The following SH3RF2 variants were observed in gnomAD, a reference collection of about 807,000 sequenced individuals.
SH3RF2 encodes E3 ubiquitin-protein ligase SH3RF2.
A neutral mutation model predicts 59.0 loss-of-function variants in SH3RF2; 43 were observed. The observed-to-expected ratio is 0.73, with a 90% CI of 0.57 to 0.94. The LOEUF (loss-of-function observed/expected upper bound fraction) is 0.94. SH3RF2 is among the 40% of genes least tolerant of loss of function. The probability of loss-of-function intolerance (pLI) is 0.00; values close to 1 mark genes in which losing one functional copy is unlikely to be tolerated. For synonymous variants in SH3RF2, 391 were observed against 391.5 expected, an observed-to-expected ratio of 1.00 and a Z score of 0.01; for missense variants, 930 against 940.1, an observed-to-expected ratio of 0.99 and a Z score of 0.14.
intron 8 of SH3RF2, among the ~76,000 whole-genome samples, chr5:146,057,079 C>T (rs986557875): frequency 6.6e-6 from 1 of 152,138 alleles, no homozygotes; most frequent in African/African-American, 2.4e-5. Context: ...ATTCTATGTT[C>T]CCTGAATTAA....
chr5:146,029,814 G>T (rs1427270901), intron 5 of SH3RF2, among the ~76,000 whole-genome samples: 1 of 152,082 alleles, frequency 6.6e-6, no homozygotes, highest in African/African-American at 2.4e-5. Context: ...GAAAGATAAA[G>T]AGAAAACTCC....
At chr5:145,972,451 A>G (rs1454923355) in intron 2 of SH3RF2, among the ~76,000 whole-genome samples, 1 of 152,102 alleles carries the variant, frequency 6.6e-6, no homozygotes, top group East Asian at 1.9e-4. Flanking sequence ...AACTGCTAAC[A>G]CCACCACCAC....
chr5:145,999,921 T>C, intron 2 of SH3RF2, 137 bp from the exon 3 acceptor site: 1 of 991,252 alleles, frequency 1.0e-6, no homozygotes, highest in Non-Finnish European at 1.4e-6. Flanking sequence ...CAGGTTGCCA[T>C]AAACCTTTGA....
chr5:145,939,876 A>G (rs1757749190), intron 2 of SH3RF2, among the ~76,000 whole-genome samples: 1 of 152,190 alleles, frequency 6.6e-6, no homozygotes, highest in Non-Finnish European at 1.5e-5. Flanking sequence ...TCACTTACTC[A>G]GGAAACGGTG....
At position 146,013,961 on chromosome 5, in the gene SH3RF2, T is replaced by A; in HGVS notation, c.959T>A (p.Met320Lys). The change falls in exon 5 of 10, where the codon ATG becomes AAG. Residue 320 changes from methionine to lysine, a missense_variant. Physicochemically the swap from Met to Lys is moderately conservative, Grantham distance 95. Transcript: ENST00000359120. Reference sequence around the variant, plus strand: ...GTCCATTCTCCTTCAGGGCGCCATATGGTAGAGATCAGCACCCCAGTGCTC... The same window carrying A: ...GTCCATTCTCCTTCAGGGCGCCATAAGGTAGAGATCAGCACCCCAGTGCTC... ...RMVHSPSGRH[M>K]VEISTPVLIS... is the part of the protein sequence containing the mutation. The A allele has an allele frequency of 6.2e-7, 1 of 1,614,082 alleles. No homozygotes were observed. The highest frequency in any genetic ancestry group is 8.5e-7 in the Non-Finnish European group (1 of 1,179,994).
intron 2 of SH3RF2, among the ~76,000 whole-genome samples, chr5:145,954,167 C>G (rs549001904): frequency 1.3e-5 from 2 of 152,222 alleles, no homozygotes; most frequent in African/African-American, 2.4e-5. Context: ...CATTTACACT[C>G]CCACCAACAG....
intron 2 of SH3RF2, among the ~76,000 whole-genome samples, chr5:145,996,180 C>T (rs1441787794): frequency 1.3e-5 from 2 of 152,194 alleles, no homozygotes; most frequent in Admixed American, 1.3e-4. Context: ...ATTCTTCTTT[C>T]AAATGATCAT....
chr5:146,070,110 G>C (rs1763201433), intron 9 of SH3RF2, among the ~76,000 whole-genome samples: 1 of 152,044 alleles, frequency 6.6e-6, no homozygotes, highest in Non-Finnish European at 1.5e-5. Context: ...CCAACCCTAT[G>C]ACAGAAGTAC....
At chr5:146,062,394 C>T (rs749835019) in intron 9 of SH3RF2, 32 bp from the exon 10 acceptor site, 2 of 1,606,118 alleles carry the variant, frequency 1.2e-6, no homozygotes, top group South Asian at 2.2e-5. Flanking sequence ...TCCCACCTCA[C>T]CTGTGTCCAT....
intron 2 of SH3RF2, among the ~76,000 whole-genome samples, chr5:145,971,024 C>A (rs1438917184): frequency 6.6e-6 from 1 of 152,180 alleles, no homozygotes. Context: ...CCAAAGCCTT[C>A]CAAATCTAAG....
chr5:145,938,376 G>T, intron 2 of SH3RF2, 70 bp downstream of exon 2: 2 of 1,466,126 alleles, frequency 1.4e-6, no homozygotes, highest in East Asian at 4.6e-5. Flanking sequence ...AGGAGCTAGA[G>T]ATTATCTTCT....
intron 5 of SH3RF2, 134 bp from the exon 6 acceptor site, chr5:146,047,638 G>A (rs1427808126): frequency 1.6e-5 from 12 of 742,530 alleles, no homozygotes; most frequent in East Asian, 1.4e-4. Context: ...CAGAGAGGAC[G>A]CACAATGGGT....
chr5:146,063,750 C>T (rs1455456934), downstream of SH3RF2, among the ~76,000 whole-genome samples: 1 of 152,126 alleles, frequency 6.6e-6, no homozygotes, highest in Admixed American at 6.5e-5. Flanking sequence ...ATCCCAGCTA[C>T]TCTTGAGGCC....
chr5:145,937,846 A>C lies in SH3RF2; in HGVS notation c.-83A>C. ...AGGCAAAAATTCTGACGTTCTCAAG[A>C]GACCAGCTCTGCCCCCGTGGCTCAA... On this transcript the variant is annotated 5_prime_UTR_variant, in exon 2 of 10. Coordinates refer to ENST00000359120, the MANE Select transcript of SH3RF2 (RefSeq NM_152550.4). 1 of 1,497,760 alleles carries C rather than the reference A, an allele frequency of 6.7e-7. No individual in the cohort carries two copies. Among genetic ancestry groups the C allele is most frequent in the Non-Finnish European group, 8.9e-7 (1 of 1,122,380 alleles). 92.8% of individuals were successfully genotyped at this position (1,497,760 alleles called of 1,614,324 possible). A position where few individuals can be genotyped will look rare whatever the true frequency, so the allele number is the denominator to read the frequency against.
intron 2 of SH3RF2, among the ~76,000 whole-genome samples, chr5:145,998,842 T>C (rs1272353238): frequency 1.3e-5 from 2 of 151,772 alleles, no homozygotes; most frequent in African/African-American, 4.8e-5. Context: ...ACCCGGGAGG[T>C]GGAGGTTGCA....
Position 146,022,078 on chromosome 5 carries a change from G to A in SH3RF2, c.1059+8017G>A, listed in dbSNP as rs77532266. 7.8e-3 allele frequency among the ~76,000 whole-genome samples: 1,181 copies of A among 152,204 alleles called. 21 individuals are homozygous for A. The highest frequency in any genetic ancestry group is 0.027 in the African/African-American group (1,117 of 41,524). On this transcript the variant is annotated intron_variant, in intron 5 of 9. Transcript: ENST00000359120. ...CTTTTTATAAAAGAAAATTTCAAACGTATTTGAAAGTTGAAAGAATAGTAT... is the reference window on the plus strand; with the variant it reads ...CTTTTTATAAAAGAAAATTTCAAACATATTTGAAAGTTGAAAGAATAGTAT...
chr5:146,033,397 C>A (rs1379377470), intron 5 of SH3RF2, among the ~76,000 whole-genome samples: 1 of 146,640 alleles, frequency 6.8e-6, no homozygotes, highest in East Asian at 2.1e-4. Flanking sequence ...AATCATGTCT[C>A]TCCAGAAGTT....
At chr5:146,004,929 CT>C (rs1561736515) in intron 4 of SH3RF2, among the ~76,000 whole-genome samples, 1 of 152,000 alleles carries the variant, frequency 6.6e-6, no homozygotes, top group Non-Finnish European at 1.5e-5. Context: ...TGTTACATGT[CT>C]TTTATCACAA....
At chr5:146,005,254 T>C (rs1036770809) in intron 4 of SH3RF2, among the ~76,000 whole-genome samples, 1 of 152,180 alleles carries the variant, frequency 6.6e-6, no homozygotes, top group Non-Finnish European at 1.5e-5. Flanking sequence ...GCCATGAGCC[T>C]CACTTTAGCT....
Sources: allele counts gnomAD v4.1 joint callset (sites outside exome capture counted in the v4.1 genomes callset), GRCh38; gene constraint gnomAD v4.1.1; transcripts MANE v1.5; gene names NCBI Gene and HGNC (gene_info 2026-07-23, HGNC 2026-07-21).